The following MYO18B variants were observed in gnomAD, a reference collection of about 807,000 sequenced individuals.
The protein encoded by MYO18B is unconventional myosin-XVIIIb.
In MYO18B, 204 loss-of-function variants were observed where a neutral mutation model predicts 273.0. That is an observed-to-expected ratio of 0.75 (90% CI 0.67 to 0.84). The LOEUF is 0.84. MYO18B is among the 40% of genes least tolerant of loss of function. MYO18B has a pLI of 0.00. For synonymous variants in MYO18B, 1,330 were observed against 1,305.7 expected (o/e 1.02, Z -0.40); for missense variants, 3,212 against 3,287.6 (o/e 0.98, Z 0.56).
At chr22:25,802,227 C>T (rs190850155) in intron 12 of MYO18B, among the ~76,000 whole-genome samples, 1 of 152,272 alleles carries the variant, frequency 6.6e-6, no homozygotes, top group East Asian at 1.9e-4. Context: ...AACCACTGCT[C>T]TATTATAAAG....
chr22:25,824,356 C>A (rs1023063348), intron 13 of MYO18B, among the ~76,000 whole-genome samples: 3 of 152,068 alleles, frequency 2.0e-5, no homozygotes, highest in African/African-American at 7.2e-5. Context: ...GAGGTGATAG[C>A]ATGGGCCCTA....
At chr22:25,892,424 G>A (rs1165838445) in intron 27 of MYO18B, 2 of 152,184 alleles carry the variant, frequency 1.3e-5, no homozygotes, top group Non-Finnish European at 2.9e-5. Context: ...GTTTCTGGAG[G>A]TGTCCTTCTT....
intron 2 of MYO18B, 128 bp from the exon 3 acceptor site, chr22:25,763,103 C>A: frequency 9.1e-7 from 1 of 1,104,616 alleles, no homozygotes; most frequent in Non-Finnish European, 1.4e-6. Flanking sequence ...GCTGTGGCTT[C>A]TCATACATGG....
chr22:25,863,641 A>G (rs1036139080), intron 21 of MYO18B, among the ~76,000 whole-genome samples: 2 of 152,196 alleles, frequency 1.3e-5, no homozygotes, highest in African/African-American at 4.8e-5. Context: ...TTGTTATCAA[A>G]CATCTTGAAT....
At chr22:25,976,869 T>C (rs1287068188) in intron 39 of MYO18B, among the ~76,000 whole-genome samples, 1 of 152,226 alleles carries the variant, frequency 6.6e-6, no homozygotes, top group Non-Finnish European at 1.5e-5. Flanking sequence ...TGGAAAATGC[T>C]GATTGAGGTT....
At chr22:26,049,300 G>A in the MYO18B span, among the ~76,000 whole-genome samples, 2 of 152,214 alleles carry the variant, frequency 1.3e-5, no homozygotes, top group East Asian at 1.9e-4. Context: ...GAAAGCAGGG[G>A]TGAAGTGAAT....
intron 10 of MYO18B, among the ~76,000 whole-genome samples, chr22:25,784,169 C>T (rs1382501125): frequency 6.6e-6 from 1 of 152,172 alleles, no homozygotes; most frequent in Non-Finnish European, 1.5e-5. Context: ...CGCAGTCTCC[C>T]TTCCTCACCA....
the MYO18B span, among the ~76,000 whole-genome samples, chr22:26,038,771 C>T: frequency 3.5e-3 from 538 of 152,268 alleles, 4 homozygotes; most frequent in African/African-American, 0.013. Flanking sequence ...CGTGACTGAC[C>T]TTGTATCTTA....
downstream of MYO18B, chr22:26,031,135 G>A (rs538537582): frequency 5.1e-6 from 2 of 391,150 alleles, no homozygotes; most frequent in South Asian, 1.4e-4. Context: ...TTTTACCAAG[G>A]CGAAGCTAGC....
At chr22:25,958,207 C>T (rs971393898) in intron 39 of MYO18B, among the ~76,000 whole-genome samples, 1 of 152,160 alleles carries the variant, frequency 6.6e-6, no homozygotes, top group African/African-American at 2.4e-5. Context: ...TGAGCCACCG[C>T]GCCTGGCCTA....
intron 2 of MYO18B, chr22:25,763,006 C>T: frequency 4.2e-6 from 3 of 715,426 alleles, no homozygotes; most frequent in Non-Finnish European, 7.9e-6. Flanking sequence ...ATCACATTGA[C>T]CCGCATAATT....
intron 34 of MYO18B, among the ~76,000 whole-genome samples, chr22:25,935,706 C>T (rs1239689406): frequency 3.3e-5 from 5 of 152,108 alleles, no homozygotes; most frequent in South Asian, 2.1e-4. Flanking sequence ...GGTACCAGCT[C>T]GGGTATGTGG....
intron 10 of MYO18B, 140 bp downstream of exon 10, chr22:25,781,974 C>A: frequency 1.8e-6 from 1 of 569,094 alleles, no homozygotes; most frequent in East Asian, 3.3e-5. Flanking sequence ...CCGATTCCAG[C>A]TGTCTGGGTA....
intron 39 of MYO18B, among the ~76,000 whole-genome samples, chr22:25,972,112 CAA>C (rs796261961): frequency 1.5e-5 from 2 of 130,572 alleles, no homozygotes; most frequent in Admixed American, 1.5e-4. Context: ...GAGACTGTCT[CAA>C]AAAAAAAAAT....
chr22:25,952,172 G>T, intron 37 of MYO18B, 114 bp from the exon 38 acceptor site: 1 of 1,181,424 alleles, frequency 8.5e-7, no homozygotes, highest in Non-Finnish European at 1.2e-6. Flanking sequence ...CACCTGAGTA[G>T]AGAAGGAGGT....
intron 22 of MYO18B, among the ~76,000 whole-genome samples, chr22:25,873,645 G>T (rs1253494922): frequency 6.6e-6 from 1 of 152,116 alleles, no homozygotes; most frequent in Non-Finnish European, 1.5e-5. Context: ...TCTCCGTGTT[G>T]GTCAGGCTGG....
intron 11 of MYO18B, among the ~76,000 whole-genome samples, chr22:25,786,188 A>G (rs2087379699): frequency 3.3e-5 from 5 of 152,202 alleles, no homozygotes; most frequent in Admixed American, 3.3e-4. Flanking sequence ...TGCTAGGAGT[A>G]TGATCCTCAT....
At chr22:26,036,817 CT>C in the MYO18B span, among the ~76,000 whole-genome samples, 1 of 152,196 alleles carries the variant, frequency 6.6e-6, no homozygotes, top group Admixed American at 6.5e-5. Flanking sequence ...TGGCCTCACC[CT>C]TGGTAAAGTG....
At position 25,921,379 on chromosome 22, in the gene MYO18B, C is replaced by G; in HGVS notation, c.5487C>G (p.Ser1829Arg). The change falls in exon 34 of 44, where the codon AGC becomes AGG. Residue 1829 changes from serine (S) to arginine (R), a missense_variant. Physicochemically the swap from Ser to Arg is moderately radical, Grantham distance 110. Transcript: ENST00000335473. ...TGGAGGATGGCAAGACATCAGTCAG[C>G]AAGGAGGAGCTGGAGAAAGTGCACA... ...GTMEDGKTSV[S>R]KEELEKVHSQ... 1 of 1,599,792 alleles carries G rather than the reference C, an allele frequency of 6.3e-7. No individual in the cohort carries two copies. Among genetic ancestry groups the G allele is most frequent in the Non-Finnish European group, 8.5e-7 (1 of 1,173,294 alleles).
Sources: gnomAD v4.1 joint callset for allele counts (sites outside exome capture counted in the v4.1 genomes callset) on GRCh38, gnomAD v4.1.1 for gene constraint, MANE v1.5 for transcripts, NCBI Gene and HGNC (gene_info 2026-07-23, HGNC 2026-07-21) for gene names.